Variants in SENP7 observed in about 807,000 individuals in gnomAD.
The protein encoded by SENP7 is SUMO specific peptidase 7, also known as sentrin-specific protease 7.
SENP7 carries 64 observed loss-of-function variants against 141.2 expected under a neutral mutation model. That is an observed-to-expected ratio of 0.45 (90% CI 0.37 to 0.56). SENP7 has a LOEUF of 0.56. Among genes scored for constraint, SENP7 ranks in the 20% least tolerant of loss-of-function variants. SENP7 has a pLI of 0.00. For missense variants in SENP7, 1,025 were observed against 1,212.2 expected (o/e 0.85, Z 2.29); for synonymous variants, 382 against 426.4 (o/e 0.90, Z 1.28).
chr3:101,387,452 G>A (rs2060689684), intron 6 of SENP7, among the ~76,000 whole-genome samples: 1 of 152,144 alleles, frequency 6.6e-6, no homozygotes, highest in South Asian at 2.1e-4. Context: ...TATGGCCAGA[G>A]CCTTGCACAC....
intron 4 of SENP7, among the ~76,000 whole-genome samples, chr3:101,445,890 T>C (rs944523776): frequency 2.0e-5 from 3 of 152,184 alleles, no homozygotes; most frequent in South Asian, 2.1e-4. Context: ...AAATATAAAG[T>C]ACATATTATT....
chr3:101,403,578 A>C (rs1465376446), intron 5 of SENP7, among the ~76,000 whole-genome samples: 2 of 152,224 alleles, frequency 1.3e-5, no homozygotes, highest in Non-Finnish European at 2.9e-5. Flanking sequence ...CAGATAACTG[A>C]GATTGCCAAC....
At chr3:101,398,803 G>C (rs2061046713) in intron 6 of SENP7, 58 bp downstream of exon 6, 1 of 1,214,422 alleles carries the variant, frequency 8.2e-7, no homozygotes, top group Non-Finnish European at 1.1e-6. Flanking sequence ...AAAAAGAACA[G>C]GGAAGGATAC....
intron 4 of SENP7, among the ~76,000 whole-genome samples, chr3:101,427,923 A>T (rs1200378472): frequency 6.6e-6 from 1 of 151,604 alleles, no homozygotes; most frequent in East Asian, 1.9e-4. Flanking sequence ...TTCAACTCCC[A>T]CTTATGAGTG....
chr3:101,489,431 A>G (rs1183408323), intron 3 of SENP7, among the ~76,000 whole-genome samples: 1 of 151,772 alleles, frequency 6.6e-6, no homozygotes, highest in Non-Finnish European at 1.5e-5. Context: ...ACATCTAACA[A>G]CATTCACAGG....
At chr3:101,340,745 C>G (rs903821495) in intron 15 of SENP7, among the ~76,000 whole-genome samples, 2 of 152,092 alleles carry the variant, frequency 1.3e-5, no homozygotes, top group African/African-American at 4.8e-5. Context: ...ATAAAAAGTG[C>G]CTGCCACATA....
intron 1 of SENP7, 134 bp downstream of exon 1, chr3:101,512,957 G>C (rs1447148404): frequency 1.0e-6 from 1 of 972,300 alleles, no homozygotes; most frequent in East Asian, 2.4e-5. Context: ...GCCTTCCATT[G>C]TGCGCGCCCC....
At chr3:101,349,955 T>A (rs1274796823) in intron 12 of SENP7, among the ~76,000 whole-genome samples, 1 of 152,138 alleles carries the variant, frequency 6.6e-6, no homozygotes, top group Non-Finnish European at 1.5e-5. Flanking sequence ...TGTGTGGGCT[T>A]GACTAGCTAG....
intron 6 of SENP7, among the ~76,000 whole-genome samples, chr3:101,390,341 C>T (rs1453137695): frequency 3.3e-5 from 4 of 120,402 alleles, no homozygotes; most frequent in Non-Finnish European, 7.0e-5. Flanking sequence ...ATACATTGAC[C>T]GAAAAAAAAA....
chr3:101,473,102 T>C (rs2064074213), intron 3 of SENP7, among the ~76,000 whole-genome samples: 1 of 151,816 alleles, frequency 6.6e-6, no homozygotes, highest in Non-Finnish European at 1.5e-5. Flanking sequence ...TTATGGTGTA[T>C]ATGTGCCACA....
chr3:101,475,634 ACAC>A, intron 3 of SENP7, among the ~76,000 whole-genome samples: 1 of 152,096 alleles, frequency 6.6e-6, no homozygotes, highest in South Asian at 2.1e-4. Context: ...GTGCAGCAAA[ACAC>A]CATGGCACAC....
rs117388797 is a variant in SENP7 at position 101,328,140 on chromosome 3, T to A, written c.2865-324A>T. On this transcript the variant is annotated intron_variant, in intron 22 of 23. Transcript: ENST00000394095. ...CTACAGTAAATTACAAAATTACACA[T>A]ACATACATATACATAATTATACAAA... is the stretch of plus-strand genomic sequence containing the variant. 1.5e-4 allele frequency among the ~76,000 whole-genome samples: 23 copies of A among 152,282 alleles called. No individual in the cohort carries two copies. In the East Asian group the frequency reaches 4.0e-3, roughly 27 times the overall value.
At chr3:101,483,927 C>T (rs1376797293) in intron 3 of SENP7, among the ~76,000 whole-genome samples, 1 of 152,066 alleles carries the variant, frequency 6.6e-6, no homozygotes, top group Admixed American at 6.6e-5. Context: ...ACTCAGAAGA[C>T]TGTGGCATGA....
At chr3:101,464,036 G>A (rs2063678895) in intron 3 of SENP7, among the ~76,000 whole-genome samples, 1 of 151,986 alleles carries the variant, frequency 6.6e-6, no homozygotes, top group African/African-American at 2.4e-5. Flanking sequence ...ATGTTGGCCA[G>A]GCTGGTCTCC....
intron 4 of SENP7, among the ~76,000 whole-genome samples, chr3:101,452,313 G>C (rs540120378): frequency 1.8e-4 from 27 of 152,064 alleles, no homozygotes; most frequent in East Asian, 1.2e-3. Context: ...AGATTCAATG[G>C]CATCCCCATC....
chr3:101,389,584 T>G (rs775675679), intron 6 of SENP7, among the ~76,000 whole-genome samples: 13 of 151,928 alleles, frequency 8.6e-5, no homozygotes, highest in Non-Finnish European at 1.8e-4. Flanking sequence ...TAAGAGTTTT[T>G]CCCAGACAAG....
chr3:101,328,175 G>A (rs542576091), intron 22 of SENP7, among the ~76,000 whole-genome samples: 2 of 152,120 alleles, frequency 1.3e-5, no homozygotes, highest in South Asian at 4.2e-4. Flanking sequence ...ATGTGAAAGA[G>A]TTCTTATTTT....
intron 4 of SENP7, among the ~76,000 whole-genome samples, chr3:101,443,192 T>A (rs956311699): frequency 3.9e-5 from 6 of 152,206 alleles, no homozygotes; most frequent in Non-Finnish European, 7.3e-5. Flanking sequence ...CCCAGCACCA[T>A]TTATTAAATA....
chr3:101,502,623 A>G (rs1217818523), intron 1 of SENP7, among the ~76,000 whole-genome samples: 6 of 152,040 alleles, frequency 3.9e-5, no homozygotes, highest in African/African-American at 9.7e-5. Flanking sequence ...GAAAAAAGAA[A>G]AAAAAAAAAG....
Sources: gnomAD v4.1 joint callset for allele counts (sites outside exome capture counted in the v4.1 genomes callset) on GRCh38, gnomAD v4.1.1 for gene constraint, MANE v1.5 for transcripts, NCBI Gene and HGNC (gene_info 2026-07-23, HGNC 2026-07-21) for gene names.